Variants in ZNF804A observed in about 807,000 individuals in gnomAD.
ZNF804A encodes the protein zinc finger protein 804A.
Under a neutral mutation model 16.5 loss-of-function variants are expected in ZNF804A, and 2 were observed. The observed-to-expected ratio is 0.12, with a 90% CI of 0.05 to 0.38. The LOEUF is 0.38. Ranked by LOEUF, ZNF804A falls within the 10% of genes least tolerant of loss-of-function variation. The pLI, the probability that ZNF804A is intolerant of heterozygous loss-of-function variation, is 0.99. For missense variants in ZNF804A, 1,473 were observed against 1,390.7 expected, an observed-to-expected ratio of 1.06 and a Z score of -0.94; for synonymous variants, 534 against 489.6, an observed-to-expected ratio of 1.09 and a Z score of -1.20.
intron 1 of ZNF804A, among the ~76,000 whole-genome samples, chr2:184,823,065 T>C (rs1007096933): frequency 6.6e-6 from 1 of 152,088 alleles, no homozygotes; most frequent in Non-Finnish European, 1.5e-5. Context: ...ATGATAGAAA[T>C]GTATTTCACA....
chr2:184,827,441 T>C lies in ZNF804A; in HGVS notation c.112-38928T>C, dbSNP rs1292698799. On this transcript the variant is annotated intron_variant, in intron 1 of 3. Transcript: ENST00000302277. ...TTATATATATTTATATAAAACATAATATATAAATATAAATATATTTATATA... is the reference window on the plus strand; with the variant it reads ...TTATATATATTTATATAAAACATAACATATAAATATAAATATATTTATATA... 2.7e-5 allele frequency among the ~76,000 whole-genome samples: 4 copies of C among 146,784 alleles called. No individual in the cohort carries two copies. In the East Asian group the frequency reaches 5.9e-4, roughly 22 times the overall value.
intron 1 of ZNF804A, among the ~76,000 whole-genome samples, chr2:184,610,663 A>G (rs779181050): frequency 5.9e-5 from 9 of 152,126 alleles, no homozygotes; most frequent in African/African-American, 1.4e-4. Context: ...ACCTCCTTCA[A>G]AAGGTTATGT....
intron 1 of ZNF804A, among the ~76,000 whole-genome samples, chr2:184,717,179 C>T (rs965858297): frequency 6.6e-6 from 1 of 152,106 alleles, no homozygotes; most frequent in South Asian, 2.1e-4. Context: ...AATTACTATG[C>T]TTCTTAAAAT....
At chr2:184,766,683 G>A (rs944467040) in intron 1 of ZNF804A, among the ~76,000 whole-genome samples, 1 of 151,388 alleles carries the variant, frequency 6.6e-6, no homozygotes, top group Non-Finnish European at 1.5e-5. Context: ...ATTCCTGGGT[G>A]TATCCAAAAT....
chr2:184,915,665 A>G (rs1450050434), intron 2 of ZNF804A, among the ~76,000 whole-genome samples: 1 of 152,174 alleles, frequency 6.6e-6, no homozygotes, highest in East Asian at 1.9e-4. Flanking sequence ...CATAACATGC[A>G]CAGATTGCAA....
chr2:184,648,922 A>G (rs1691929626), intron 1 of ZNF804A, among the ~76,000 whole-genome samples: 1 of 152,084 alleles, frequency 6.6e-6, no homozygotes, highest in Admixed American at 6.6e-5. Flanking sequence ...TTGACACTTG[A>G]CCAACTGAAC....
intron 1 of ZNF804A, among the ~76,000 whole-genome samples, chr2:184,752,928 T>G (rs1320530702): frequency 6.6e-6 from 1 of 151,454 alleles, no homozygotes; most frequent in Non-Finnish European, 1.5e-5. Flanking sequence ...TTATCTCACA[T>G]CTGTTAACAT....
chr2:184,778,709 T>C (rs991140002), intron 1 of ZNF804A, among the ~76,000 whole-genome samples: 1 of 151,748 alleles, frequency 6.6e-6, no homozygotes, highest in Non-Finnish European at 1.5e-5. Context: ...TGCTATTATA[T>C]ACAGTTATTG....
intron 2 of ZNF804A, among the ~76,000 whole-genome samples, chr2:184,928,947 T>A (rs553148572): frequency 1.2e-4 from 18 of 152,300 alleles, no homozygotes; most frequent in African/African-American, 4.1e-4. Flanking sequence ...TCAAGACTGT[T>A]TATCTTACTT....
Position 184,599,211 on chromosome 2 carries a change from T to A in ZNF804A, c.111+141T>A. On this transcript the variant is annotated intron_variant, in intron 1 of 3. Coordinates refer to ENST00000302277, the MANE Select transcript of ZNF804A (RefSeq NM_194250.2). ...TGGTGGGCGTGGGGTGAGAATTGGG[T>A]GTAGAAAAAGGAAGGGGTCTTAGGG... is the stretch of plus-strand genomic sequence containing the variant. 4.3e-6 allele frequency: 3 copies of A among 689,686 alleles called. No individual in the cohort carries two copies. In the Admixed American group the frequency reaches 7.4e-5, roughly 17 times the overall value. The allele number at this position is 689,686 out of a possible 1,614,324, so 42.7% of individuals were successfully genotyped here. A position where few individuals can be genotyped will look rare whatever the true frequency, so the allele number is the denominator to read the frequency against.
Position 184,699,720 on chromosome 2 carries a change from T to A in ZNF804A, c.111+100650T>A, listed in dbSNP as rs147145079. On this transcript the variant is annotated intron_variant, in intron 1 of 3. Coordinates refer to ENST00000302277, the MANE Select transcript of ZNF804A (RefSeq NM_194250.2). ...CAAAATAGAAAATTAAAAATAATGG[T>A]AGACAACATTTACTGAAACCTCAAT... Among the ~76,000 whole-genome samples, 1,325 of 152,196 alleles carry A rather than the reference T, an allele frequency of 8.7e-3. 18 individuals carry two copies. Among genetic ancestry groups the A allele is most frequent in the Non-Finnish European group, 0.014 (956 of 67,966 alleles).
At chr2:184,829,184 TTATA>T (rs774749902) in intron 1 of ZNF804A, among the ~76,000 whole-genome samples, 7 of 151,784 alleles carry the variant, frequency 4.6e-5, no homozygotes, top group Non-Finnish European at 1.0e-4. Context: ...ACATCACTTA[TTATA>T]TAGAGTGCAT....
At chr2:184,880,809 C>T (rs1423836062) in intron 2 of ZNF804A, among the ~76,000 whole-genome samples, 1 of 151,990 alleles carries the variant, frequency 6.6e-6, no homozygotes, top group Non-Finnish European at 1.5e-5. Context: ...CAAGAGGGTG[C>T]CCAATTCACT....
At chr2:184,678,911 A>G (rs1397864477) in intron 1 of ZNF804A, among the ~76,000 whole-genome samples, 1 of 152,242 alleles carries the variant, frequency 6.6e-6, no homozygotes, top group Non-Finnish European at 1.5e-5. Flanking sequence ...TTCAAATATC[A>G]AAGTACAGAG....
At chr2:184,737,478 A>G (rs1455188160) in intron 1 of ZNF804A, among the ~76,000 whole-genome samples, 1 of 152,090 alleles carries the variant, frequency 6.6e-6, no homozygotes, top group East Asian at 1.9e-4. Flanking sequence ...CAATTTAATG[A>G]TTTACAATGA....
At chr2:184,715,772 A>G (rs1439971388) in intron 1 of ZNF804A, among the ~76,000 whole-genome samples, 1 of 152,134 alleles carries the variant, frequency 6.6e-6, no homozygotes. Flanking sequence ...ATCAATTTTT[A>G]TGAGTATTTT....
intron 1 of ZNF804A, among the ~76,000 whole-genome samples, chr2:184,856,812 GA>G (rs1695695367): frequency 6.6e-6 from 1 of 152,030 alleles, no homozygotes; most frequent in Non-Finnish European, 1.5e-5. Context: ...CCATCCCCAA[GA>G]TATCTCATTA....
chr2:184,692,374 A>T (rs2105726024), intron 1 of ZNF804A, among the ~76,000 whole-genome samples: 1 of 152,302 alleles, frequency 6.6e-6, no homozygotes, highest in Non-Finnish European at 1.5e-5. Context: ...GACTTTATTC[A>T]CAGATGTAGG....
chr2:184,790,463 A>G (rs1694520938), intron 1 of ZNF804A, among the ~76,000 whole-genome samples: 1 of 151,846 alleles, frequency 6.6e-6, no homozygotes, highest in Non-Finnish European at 1.5e-5. Context: ...GTATTATTTT[A>G]TTACTATCAA....
Sources: allele counts gnomAD v4.1 joint callset (sites outside exome capture counted in the v4.1 genomes callset), GRCh38; gene constraint gnomAD v4.1.1; transcripts MANE v1.5; gene names NCBI Gene and HGNC (gene_info 2026-07-23, HGNC 2026-07-21).